GPR155: variants seen among roughly 807,000 people sequenced by gnomAD.
GPR155 encodes G protein-coupled receptor 155, also known as lysosomal cholesterol signaling protein.
A neutral mutation model predicts 93.1 loss-of-function variants in GPR155; 65 were observed. The ratio of observed to expected loss-of-function variants is 0.70; its 90% CI spans 0.57 to 0.86. The LOEUF is 0.86. Among genes scored for constraint, GPR155 ranks in the 40% least tolerant of loss-of-function variants. GPR155 has a pLI of 0.00. For synonymous variants in GPR155, 319 were observed against 360.1 expected, an observed-to-expected ratio of 0.89 and a Z score of 1.29; for missense variants, 838 against 1,034.8, an observed-to-expected ratio of 0.81 and a Z score of 2.61.
At chr2:174,449,993 A>G (rs1249585839) in intron 11 of GPR155, among the ~76,000 whole-genome samples, 2 of 151,932 alleles carry the variant, frequency 1.3e-5, no homozygotes, top group African/African-American at 4.8e-5. Flanking sequence ...AAACAAAACA[A>G]AAATTAGCCA....
At chr2:174,472,795 G>C (rs1236765662) in intron 3 of GPR155, among the ~76,000 whole-genome samples, 170 bp downstream of exon 3, 2 of 152,112 alleles carry the variant, frequency 1.3e-5, no homozygotes, top group Non-Finnish European at 2.9e-5. Flanking sequence ...TGGGAATAAG[G>C]AAATGACTTT....
chr2:174,436,099 G>T lies in GPR155; in HGVS notation c.*17C>A, dbSNP rs776934363. On this transcript the variant is annotated 3_prime_UTR_variant, in exon 16 of 16. Transcript: ENST00000392552. ...CGGCTAGAATATGATTCCATGTAGG[G>T]TTCTCCCCTGCATAATTTAGGTCTT... The T allele has an allele frequency of 1.5e-5, 24 of 1,597,682 alleles. No individual in the cohort carries two copies. The highest frequency in any genetic ancestry group is 1.3e-5 in the African/African-American group (1 of 74,546).
At chr2:174,448,934 G>T (rs911065243) in intron 11 of GPR155, among the ~76,000 whole-genome samples, 1 of 152,146 alleles carries the variant, frequency 6.6e-6, no homozygotes, top group Admixed American at 6.6e-5. Flanking sequence ...AAGAAACTAT[G>T]AACAGAGTAG....
At chr2:174,444,434 TA>T (rs1156515930) in intron 13 of GPR155, among the ~76,000 whole-genome samples, 2 of 148,026 alleles carry the variant, frequency 1.4e-5, no homozygotes, top group Non-Finnish European at 3.0e-5. Flanking sequence ...AAAAAAAATT[TA>T]AGGAGCTAAA....
At chr2:174,454,502 A>T (rs973358775) in intron 10 of GPR155, among the ~76,000 whole-genome samples, 29 of 152,044 alleles carry the variant, frequency 1.9e-4, no homozygotes, top group Non-Finnish European at 2.4e-4. Flanking sequence ...AAAGCTTTTT[A>T]AAAAATAGCT....
intron 12 of GPR155, among the ~76,000 whole-genome samples, 163 bp downstream of exon 12, chr2:174,446,448 T>C (rs1027491966): frequency 6.6e-6 from 1 of 152,162 alleles, no homozygotes; most frequent in Non-Finnish European, 1.5e-5. Context: ...GATTCATCTC[T>C]TCCCCTCACA....
intron 10 of GPR155, among the ~76,000 whole-genome samples, chr2:174,456,569 C>G (rs186516055): frequency 6.6e-6 from 1 of 152,288 alleles, no homozygotes; most frequent in East Asian, 1.9e-4. Context: ...TCCCAAAGTG[C>G]TAGAATTACA....
At chr2:174,461,748 T>C in intron 7 of GPR155, 76 bp from the exon 8 acceptor site, 1 of 906,334 alleles carries the variant, frequency 1.1e-6, no homozygotes, top group Non-Finnish European at 1.8e-6. Flanking sequence ...TTCCTTTTTA[T>C]TTTTTTAAAC....
At chr2:174,456,508 G>T (rs1032154749) in intron 10 of GPR155, among the ~76,000 whole-genome samples, 1 of 151,910 alleles carries the variant, frequency 6.6e-6, no homozygotes, top group African/African-American at 2.4e-5. Flanking sequence ...TTGCCATGTT[G>T]CCCAGGCTGG....
At chr2:174,478,282 A>C (rs1227633174) in intron 2 of GPR155, among the ~76,000 whole-genome samples, 1 of 152,166 alleles carries the variant, frequency 6.6e-6, no homozygotes, top group African/African-American at 2.4e-5. Context: ...CCCAGGCTGG[A>C]GTACAGTAGC....
intron 10 of GPR155, among the ~76,000 whole-genome samples, chr2:174,456,178 C>A (rs1185764310): frequency 1.3e-5 from 2 of 152,044 alleles, no homozygotes; most frequent in Non-Finnish European, 2.9e-5. Context: ...AGCAGGAAAT[C>A]TGGGATTGGA....
At chr2:174,444,585 T>G (rs1245126377) in intron 13 of GPR155, among the ~76,000 whole-genome samples, 1 of 147,390 alleles carries the variant, frequency 6.8e-6, no homozygotes, top group South Asian at 2.2e-4. Flanking sequence ...CTCCACTTCC[T>G]GGGTTCAAGT....
chr2:174,466,656 C>G (rs1486133719), intron 5 of GPR155, 29 bp from the exon 6 acceptor site: 1 of 1,170,242 alleles, frequency 8.5e-7, no homozygotes, highest in African/African-American at 1.5e-5. Context: ...AAAAGTTATT[C>G]ATGTTTCTTA....
In GPR155 at chr2:174,475,408, A is replaced by G. The variant is rs1201376804; in HGVS notation, c.461-2044T>C. On this transcript the variant is annotated intron_variant, in intron 2 of 15. Transcript: ENST00000392552. ...TTACTTACTCAGGATATGTAAGTTCAGTTAATGTCATGCACATGTCCCATT... is the reference window on the plus strand; with the variant it reads ...TTACTTACTCAGGATATGTAAGTTCGGTTAATGTCATGCACATGTCCCATT... Among the ~76,000 whole-genome samples, 4 of 151,848 alleles carry G rather than the reference A, an allele frequency of 2.6e-5. No homozygotes were observed. The East Asian group carries it at 7.7e-4, about 29-fold the overall frequency.
chr2:174,473,090 A>C lies in GPR155; in HGVS notation c.735T>G (p.Leu245=), dbSNP rs372566164. ...RKVPVYVENF[L]DGLGNSFSGS... ...CAGAAAAAGAATTTCCAAGTCCATC[A>C]AGAAAATTTTCGACATATACAGGTA... Residue 245 remains leucine (L), a synonymous_variant, in exon 3 of 16, where the codon CTT becomes CTG. Coordinates refer to ENST00000392552, the MANE Select transcript of GPR155 (RefSeq NM_152529.7). The C allele has an allele frequency of 1.9e-6, 3 of 1,601,416 alleles. No homozygotes were observed. The African/African-American group carries it at 4.1e-5, about 22-fold the overall frequency.
intron 13 of GPR155, among the ~76,000 whole-genome samples, chr2:174,443,774 A>G (rs1055263775): frequency 2.6e-5 from 4 of 152,192 alleles, no homozygotes; most frequent in African/African-American, 9.7e-5. Context: ...GAATTTGCAC[A>G]TAAAAAATAT....
At chr2:174,458,830 G>A (rs1687595811) in intron 10 of GPR155, among the ~76,000 whole-genome samples, 1 of 152,138 alleles carries the variant, frequency 6.6e-6, no homozygotes, top group South Asian at 2.1e-4. Flanking sequence ...GCTCACACCT[G>A]TAATCCCAGC....
intron 7 of GPR155, among the ~76,000 whole-genome samples, chr2:174,462,220 G>A (rs1559110616): frequency 6.6e-6 from 1 of 152,144 alleles, no homozygotes; most frequent in Non-Finnish European, 1.5e-5. Context: ...TTACAGGCAT[G>A]AGCCACTGCG....
At chr2:174,455,953 G>C (rs574727104) in intron 10 of GPR155, among the ~76,000 whole-genome samples, 69 of 152,002 alleles carry the variant, frequency 4.5e-4, no homozygotes, top group African/African-American at 1.7e-3. Flanking sequence ...CGATTCTCAT[G>C]CCTCAGCCTC....
Sources: allele counts gnomAD v4.1 joint callset (sites outside exome capture counted in the v4.1 genomes callset), GRCh38; gene constraint gnomAD v4.1.1; transcripts MANE v1.5; gene names NCBI Gene and HGNC (gene_info 2026-07-23, HGNC 2026-07-21).